The following SCN1A variants were observed in gnomAD, a reference collection of about 807,000 sequenced individuals.
The protein encoded by SCN1A is sodium voltage-gated channel alpha subunit 1, also known as sodium channel protein type 1 subunit alpha.
In SCN1A, 13 loss-of-function variants were observed where a neutral mutation model predicts 193.7. The observed-to-expected ratio is 0.07, with a 90% CI of 0.04 to 0.11. The LOEUF is 0.11. Ranked by LOEUF, SCN1A falls within the 10% of genes least tolerant of loss-of-function variation. SCN1A has a pLI of 1.00. For synonymous variants in SCN1A, 781 were observed against 843.6 expected (o/e 0.93, Z 1.29); for missense variants, 1,432 against 2,451.1 (o/e 0.58, Z 8.78).
intron 12 of SCN1A, among the ~76,000 whole-genome samples, chr2:166,046,488 A>T (rs1473777479): frequency 6.6e-6 from 1 of 152,186 alleles, no homozygotes; most frequent in Non-Finnish European, 1.5e-5. Flanking sequence ...CTACTCATTG[A>T]ATAAAAGTCT....
intron 2 of SCN1A, among the ~76,000 whole-genome samples, chr2:166,105,562 CAATT>C (rs902820361): frequency 2.0e-4 from 30 of 152,298 alleles, no homozygotes; most frequent in African/African-American, 6.7e-4. Context: ...TGGCCAAAAA[CAATT>C]AATCCTTAGA....
At chr2:166,077,274 C>A (rs1241956651) in intron 3 of SCN1A, 2 of 150,368 alleles carry the variant, frequency 1.3e-5, no homozygotes, top group Admixed American at 6.6e-5. Flanking sequence ...AATAGGAAGG[C>A]AAGCCACATA....
intron 19 of SCN1A, among the ~76,000 whole-genome samples, chr2:166,029,248 C>T (rs543482984): frequency 2.0e-4 from 31 of 152,018 alleles, no homozygotes; most frequent in Non-Finnish European, 3.7e-4. Context: ...AGAACGGTTA[C>T]GGGATTTGCA....
At chr2:166,000,651 G>A (rs540389063) in intron 24 of SCN1A, among the ~76,000 whole-genome samples, 1 of 151,854 alleles carries the variant, frequency 6.6e-6, no homozygotes, top group East Asian at 1.9e-4. Context: ...CAAAAGCTAA[G>A]CAAGGGTGTG....
chr2:166,032,092 CAAT>C (rs1239749562), intron 19 of SCN1A, among the ~76,000 whole-genome samples: 1 of 136,970 alleles, frequency 7.3e-6, no homozygotes, highest in African/African-American at 2.8e-5. Flanking sequence ...GGAATGGAAA[CAAT>C]AACATGTTCA....
At chr2:166,095,470 G>T (rs1342851446) in intron 2 of SCN1A, among the ~76,000 whole-genome samples, 1 of 152,094 alleles carries the variant, frequency 6.6e-6, no homozygotes, top group Non-Finnish European at 1.5e-5. Flanking sequence ...AAGCCAGTTT[G>T]ACATTTTAAC....
intron 8 of SCN1A, 88 bp from the exon 9 acceptor site, chr2:166,052,076 A>G: frequency 7.8e-7 from 1 of 1,282,464 alleles, no homozygotes; most frequent in South Asian, 1.4e-5. Flanking sequence ...CATAGATTTC[A>G]TTCATAAATC....
intron 2 of SCN1A, among the ~76,000 whole-genome samples, chr2:166,106,728 ACAAGCACGTTGCCAATGGTC>A (rs977476676): frequency 6.6e-6 from 1 of 152,184 alleles, no homozygotes; most frequent in Admixed American, 6.5e-5. Context: ...ATGTCATTAC[ACAAGCACGTTGCCAATGGTC>A]CATTGCTAAT....
chr2:166,106,335 G>A (rs947862244), intron 2 of SCN1A, among the ~76,000 whole-genome samples: 2 of 152,114 alleles, frequency 1.3e-5, no homozygotes, highest in African/African-American at 2.4e-5. Context: ...TGGAGCTAAG[G>A]TAGAGGACTC....
At chr2:166,047,107 C>CTT in intron 11 of SCN1A, 131 bp from the exon 12 acceptor site, 1 of 973,456 alleles carries the variant, frequency 1.0e-6, no homozygotes. Flanking sequence ...GCACCCTGTA[C>CTT]TTTTTTTTTA....
rs762038032 is a variant in SCN1A, at chr2:166,041,268, G to A, written c.2378C>T (p.Thr793Met). ...TGTAAGCACATTATTGAAATGGTCC[G>A]TCATTGGATAGTGCTCCATGGCCAT... ...LFMAMEHYPM[T>M]DHFNNVLTVG... Residue 793 changes from threonine to methionine, a missense_variant, in exon 16 of 29, where the codon ACG (threonine) becomes ATG (methionine). Around this residue, in one of 18 missense-constraint regions of SCN1A, gnomAD observed 93 missense variants for 260.4 expected, o/e 0.36. Coordinates refer to ENST00000674923, the MANE Select transcript of SCN1A (RefSeq NM_001165963.4). 2.4e-5 allele frequency: 38 copies of A among 1,613,668 alleles called. No homozygotes were observed. Among genetic ancestry groups the A allele is most frequent in the East Asian group, 2.0e-4 (9 of 44,862 alleles).
At chr2:166,120,596 C>CTTTTTTTTTTTTTTTTT (rs57044851) in intron 2 of SCN1A, among the ~76,000 whole-genome samples, 2 of 72,456 alleles carry the variant, frequency 2.8e-5, no homozygotes, top group African/African-American at 1.1e-4. Flanking sequence ...TTTCTTTTCT[C>CTTTTTTTTTTTTTTTTT]TTTTTTTTTT....
intron 2 of SCN1A, chr2:166,092,496 A>T (rs1574458979): frequency 6.6e-6 from 1 of 152,194 alleles, no homozygotes; most frequent in South Asian, 2.1e-4. Context: ...AATTCAATTA[A>T]TTTAAATGTT....
Position 166,047,765 on chromosome 2 carries a change from T to C in SCN1A, c.1032A>G (p.Gln344=), listed in dbSNP as rs999958974. The C allele has an allele frequency of 1.9e-6, 3 of 1,613,324 alleles. No homozygotes were observed. The African/African-American group carries it at 4.0e-5, about 22-fold the overall frequency. Residue 344 remains glutamine, a synonymous_variant, in exon 11 of 29, where the codon CAA becomes CAG. Transcript: ENST00000674923. ...TCACACACATATATCCCTCTGGACATTGGCTGCAAGTGGGGTAAAAGAAAG... is the reference window on the plus strand; with the variant it reads ...TCACACACATATATCCCTCTGGACACTGGCTGCAAGTGGGGTAAAAGAAAG... ...LLCGNSSDAG[Q]CPEGYMCVKA...
chr2:166,066,680 TTCTG>T (rs1166419785), intron 4 of SCN1A, among the ~76,000 whole-genome samples: 1 of 152,154 alleles, frequency 6.6e-6, no homozygotes, highest in African/African-American at 2.4e-5. Context: ...ATCAGCTTCC[TTCTG>T]TCTGACACCT....
At chr2:166,014,656 A>G (rs1464439870) in intron 20 of SCN1A, among the ~76,000 whole-genome samples, 2 of 149,606 alleles carry the variant, frequency 1.3e-5, no homozygotes, top group Non-Finnish European at 3.0e-5. Context: ...AAAAAAAAAA[A>G]GGAGGAAAAG....
intron 8 of SCN1A, among the ~76,000 whole-genome samples, chr2:166,052,425 C>A (rs1032768111): frequency 5.9e-5 from 9 of 151,844 alleles, no homozygotes; most frequent in Non-Finnish European, 1.2e-4. Context: ...TATAATTGTG[C>A]CTTAAGATAA....
upstream of SCN1A, among the ~76,000 whole-genome samples, chr2:166,132,833 TC>T (rs1384664511): frequency 6.6e-6 from 1 of 152,132 alleles, no homozygotes; most frequent in Non-Finnish European, 1.5e-5. Flanking sequence ...GCTCCTCCCC[TC>T]CCCGCAACTG....
intron 2 of SCN1A, among the ~76,000 whole-genome samples, chr2:166,124,253 A>C (rs1315434936): frequency 6.7e-6 from 1 of 150,052 alleles, no homozygotes; most frequent in Non-Finnish European, 1.5e-5. Context: ...TTTTTTTTTA[A>C]TTTTTTAACA....
Sources: allele counts gnomAD v4.1 joint callset (sites outside exome capture counted in the v4.1 genomes callset), GRCh38; gene constraint gnomAD v4.1.1; regional missense constraint gnomAD v4.1.1; transcripts MANE v1.5; gene names NCBI Gene and HGNC (gene_info 2026-07-23, HGNC 2026-07-21).